ASIC2: variants seen among roughly 807,000 people sequenced by gnomAD.
ASIC2 encodes the protein acid-sensing ion channel 2.
In ASIC2, 25 loss-of-function variants were observed where a neutral mutation model predicts 57.3. The ratio of observed to expected loss-of-function variants is 0.44; its 90% CI spans 0.32 to 0.61. ASIC2 has a LOEUF of 0.61. Among genes scored for constraint, ASIC2 ranks in the 20% least tolerant of loss-of-function variants. The pLI is 0.06. For synonymous variants in ASIC2, 319 were observed against 307.5 expected, an observed-to-expected ratio of 1.04 and a Z score of -0.39; for missense variants, 641 against 738.1, an observed-to-expected ratio of 0.87 and a Z score of 1.52.
rs775495791 is a variant in ASIC2 at position 33,016,055 on chromosome 17, G to A, written c.1522-16C>T. 1.9e-6 allele frequency: 3 copies of A among 1,613,362 alleles called. No individual in the cohort carries two copies. The highest frequency in any genetic ancestry group is 2.7e-5 in the African/African-American group (2 of 75,030). ...CTTTGATCAGCTGCAAGAAAAGCAGGAAGGGGTTGGTCAGGCCGGGAAGAG... is the reference window on the plus strand; with the variant it reads ...CTTTGATCAGCTGCAAGAAAAGCAGAAAGGGGTTGGTCAGGCCGGGAAGAG... On this transcript the variant is annotated splice_polypyrimidine_tract_variant and intron_variant, in intron 8 of 9. Transcript: ENST00000225823.
chr17:33,239,643 G>A (rs1454860650), intron 1 of ASIC2, among the ~76,000 whole-genome samples: 1 of 152,160 alleles, frequency 6.6e-6, no homozygotes, highest in Non-Finnish European at 1.5e-5. Context: ...ATTGGCCTGG[G>A]TGCTCAGTGA....
chr17:33,441,675 G>A (rs926058796), intron 1 of ASIC2, among the ~76,000 whole-genome samples: 9 of 152,096 alleles, frequency 5.9e-5, no homozygotes, highest in Admixed American at 4.6e-4. Flanking sequence ...TCTCTACCTG[G>A]AAGAAAGGAT....
At chr17:33,654,980 C>CA (rs1008372842) in intron 1 of ASIC2, among the ~76,000 whole-genome samples, 3 of 151,980 alleles carry the variant, frequency 2.0e-5, no homozygotes, top group Non-Finnish European at 4.4e-5. Context: ...AATAAAACAA[C>CA]AAAAAAAGAA....
At chr17:33,023,772 G>T in intron 6 of ASIC2, 89 bp downstream of exon 6, 1 of 1,543,474 alleles carries the variant, frequency 6.5e-7, no homozygotes, top group Non-Finnish European at 8.9e-7. Flanking sequence ...TGAACCAAAT[G>T]CTTATCTTTG....
intron 7 of ASIC2, among the ~76,000 whole-genome samples, chr17:33,018,812 G>T (rs1027608472): frequency 6.6e-6 from 1 of 152,116 alleles, no homozygotes; most frequent in African/African-American, 2.4e-5. Context: ...TCTGGAAAGA[G>T]GTTTGGGAAT....
At chr17:34,065,213 A>G (rs2142063457) in intron 1 of ASIC2, among the ~76,000 whole-genome samples, 1 of 152,358 alleles carries the variant, frequency 6.6e-6, no homozygotes, top group Non-Finnish European at 1.5e-5. Context: ...GGAATGAATT[A>G]ACAGCACTTG....
At chr17:33,871,561 A>C (rs1440796965) in intron 1 of ASIC2, among the ~76,000 whole-genome samples, 1 of 152,178 alleles carries the variant, frequency 6.6e-6, no homozygotes, top group African/African-American at 2.4e-5. Flanking sequence ...TTCTCCAAGC[A>C]TATACCCTTG....
chr17:33,727,231 G>A (rs1416113355), intron 1 of ASIC2, among the ~76,000 whole-genome samples: 1 of 152,148 alleles, frequency 6.6e-6, no homozygotes, highest in Non-Finnish European at 1.5e-5. Flanking sequence ...CAAGAGGTTG[G>A]AGATTTTCCA....
chr17:33,036,966 G>A (rs760336288), intron 3 of ASIC2, among the ~76,000 whole-genome samples: 2 of 152,012 alleles, frequency 1.3e-5, no homozygotes, highest in Non-Finnish European at 2.9e-5. Flanking sequence ...GAGAAGGGTG[G>A]GAGGAGGGAG....
At chr17:33,971,078 TGCGTG>T in intron 1 of ASIC2, among the ~76,000 whole-genome samples, 1 of 152,312 alleles carries the variant, frequency 6.6e-6, no homozygotes, top group Admixed American at 6.5e-5. Flanking sequence ...CCCTCCAGGA[TGCGTG>T]TGCAATGCGC....
At chr17:33,586,771 C>G (rs1046262236) in intron 1 of ASIC2, among the ~76,000 whole-genome samples, 5 of 152,228 alleles carry the variant, frequency 3.3e-5, no homozygotes, top group African/African-American at 1.2e-4. Flanking sequence ...CCCTTTCACT[C>G]TGCTCGACCT....
At chr17:33,838,286 C>A (rs185097230) in intron 1 of ASIC2, among the ~76,000 whole-genome samples, 15 of 152,230 alleles carry the variant, frequency 9.9e-5, no homozygotes, top group Admixed American at 9.2e-4. Flanking sequence ...CTATTGAGCT[C>A]TTTAAGAAGG....
At chr17:34,152,629 T>C (rs1021344107) in intron 1 of ASIC2, among the ~76,000 whole-genome samples, 1 of 152,340 alleles carries the variant, frequency 6.6e-6, no homozygotes, top group African/African-American at 2.4e-5. Flanking sequence ...GCTGGCACAG[T>C]GTACACATAT....
At chr17:33,616,867 GC>G (rs1905621209) in intron 1 of ASIC2, among the ~76,000 whole-genome samples, 1 of 152,178 alleles carries the variant, frequency 6.6e-6, no homozygotes, top group African/African-American at 2.4e-5. Flanking sequence ...TTTTGCCAGG[GC>G]TTTTGGACAC....
chr17:33,873,344 C>T (rs1280316670), intron 1 of ASIC2, among the ~76,000 whole-genome samples: 1 of 152,162 alleles, frequency 6.6e-6, no homozygotes, highest in Non-Finnish European at 1.5e-5. Flanking sequence ...TTAGCAGGAA[C>T]TAGAATGGGT....
chr17:33,750,231 G>T (rs547568927), intron 1 of ASIC2, among the ~76,000 whole-genome samples: 1 of 152,264 alleles, frequency 6.6e-6, no homozygotes, highest in South Asian at 2.1e-4. Context: ...GAGAGCCCTT[G>T]TCCCACTCTG....
At chr17:33,466,848 A>G (rs1283991439) in intron 1 of ASIC2, among the ~76,000 whole-genome samples, 4 of 152,218 alleles carry the variant, frequency 2.6e-5, no homozygotes, top group Non-Finnish European at 5.9e-5. Flanking sequence ...TTAATTCATG[A>G]TGGATTAAAG....
At chr17:34,081,168 T>G (rs572618521) in intron 1 of ASIC2, among the ~76,000 whole-genome samples, 1 of 152,190 alleles carries the variant, frequency 6.6e-6, no homozygotes, top group Non-Finnish European at 1.5e-5. Context: ...AAATCTGGCT[T>G]TCATAGATGC....
Position 33,751,774 on chromosome 17 carries a change from C to T in ASIC2, c.555+404204G>A, listed in dbSNP as rs115586477. On this transcript the variant is annotated intron_variant, in intron 1 of 9. Coordinates refer to the ASIC2 transcript ENST00000359872. ...TTAGAGTCCAATTAAGAAACAATTACTCCAGCTGATGGAGGGTCAGGGGAG... is the reference window on the plus strand; with the variant it reads ...TTAGAGTCCAATTAAGAAACAATTATTCCAGCTGATGGAGGGTCAGGGGAG... Among the ~76,000 whole-genome samples the T allele has an allele frequency of 7.6e-3, 1,150 of 152,202 alleles. 14 individuals carry two copies. The highest frequency in any genetic ancestry group is 0.026 in the African/African-American group (1,074 of 41,498).
Sources: allele counts gnomAD v4.1 joint callset (sites outside exome capture counted in the v4.1 genomes callset), GRCh38; gene constraint gnomAD v4.1.1; transcripts MANE v1.5; gene names NCBI Gene and HGNC (gene_info 2026-07-23, HGNC 2026-07-21).